The following BCORL1 variants were observed in gnomAD, a reference collection of about 807,000 sequenced individuals.
BCORL1 encodes the protein BCL-6 corepressor-like protein 1.
A neutral mutation model predicts 87.6 loss-of-function variants in BCORL1; 7 were observed. That is an observed-to-expected ratio of 0.08 (90% CI 0.05 to 0.15). The LOEUF (loss-of-function observed/expected upper bound fraction) is 0.15. Ranked by LOEUF, BCORL1 falls within the 10% of genes least tolerant of loss-of-function variation. The pLI, the probability that BCORL1 is intolerant of heterozygous loss-of-function variation, is 1.00. For missense variants in BCORL1, 1,215 were observed against 1,499.7 expected (o/e 0.81, Z 3.13); for synonymous variants, 591 against 634.4 (o/e 0.93, Z 1.03).
At position 130,014,720 on chromosome X, in the gene BCORL1, G is replaced by A. The variant is rs747031484; in HGVS notation, c.1948G>A (p.Val650Met). The A allele has an allele frequency of 6.6e-6, 8 of 1,211,023 alleles. No homozygotes were observed. The highest frequency in any genetic ancestry group is 1.8e-5 in the South Asian group (1 of 56,934). ...KTPPMPVLTP[V>M]HTSSKALLST... ...ACCCCCCATGCCTGTGTTGACCCCC[G>A]TGCACACCAGCAGCAAGGCCCTCCT... is the stretch of plus-strand genomic sequence containing the variant. The change falls in exon 4 of 14, where the codon GTG (valine) becomes ATG (methionine). Residue 650 changes from valine to methionine, a missense_variant. By Grantham distance (21) the Val-to-Met change is conservative. This residue lies in a region of BCORL1 where 861 missense variants were observed against 1,010.0 expected (regional missense o/e 0.85). Transcript: ENST00000540052.
upstream of BCORL1, chrX:129,981,041 A>G (rs1291927839): frequency 9.0e-6 from 1 of 111,594 alleles, no homozygotes; most frequent in Non-Finnish European, 1.9e-5. Flanking sequence ...AGCGAAGGCC[A>G]GCTTCCGCGG....
At chrX:130,038,485 C>CT (rs373182779) in intron 10 of BCORL1, among the ~76,000 whole-genome samples, 85 of 99,796 alleles carry the variant, frequency 8.5e-4, no homozygotes, top group Admixed American at 1.6e-3. Context: ...TTGCCCCCAC[C>CT]TTTTTTTTTT....
rs778936077 is a variant in BCORL1, at chrX:130,019,426, G to A, written c.3442-1559G>A. ...GACTTAAAATAGTTTTTCTCCAGCC[G>A]TACCTGAAGGTTAGTTTTTAAGCAG... On this transcript the variant is annotated intron_variant, in intron 4 of 13. Transcript: ENST00000540052. Among the ~76,000 whole-genome samples the A allele has an allele frequency of 4.4e-5, 5 of 112,585 alleles. No individual in the cohort carries two copies. In the South Asian group the frequency reaches 1.1e-3, roughly 24 times the overall value.
intron 1 of BCORL1, among the ~76,000 whole-genome samples, chrX:129,986,806 G>C (rs1010981153): frequency 9.0e-6 from 1 of 110,824 alleles, no homozygotes; most frequent in Non-Finnish European, 1.9e-5. Context: ...GCAACAGAGC[G>C]AGAGTCCATC....
intron 7 of BCORL1, among the ~76,000 whole-genome samples, chrX:130,026,521 G>A (rs1261867372): frequency 6.2e-5 from 7 of 112,897 alleles, no homozygotes; most frequent in Non-Finnish European, 5.6e-5. Flanking sequence ...AGCCACTTGT[G>A]TTAGGATGAA....
chrX:130,025,844 A>G (rs1227078329), intron 7 of BCORL1, among the ~76,000 whole-genome samples: 1 of 111,117 alleles, frequency 9.0e-6, no homozygotes, highest in Non-Finnish European at 1.9e-5. Flanking sequence ...TCAAACCAAC[A>G]GAAGAACTTC....
At chrX:129,992,747 G>A (rs780800288) in intron 1 of BCORL1, among the ~76,000 whole-genome samples, 105 of 111,070 alleles carry the variant, frequency 9.5e-4, no homozygotes, top group Non-Finnish European at 1.8e-3. Context: ...TTGTAGAGAC[G>A]GGGTTTCACC....
chrX:130,054,563 G>A (rs757868925), intron 13 of BCORL1, among the ~76,000 whole-genome samples: 1 of 110,739 alleles, frequency 9.0e-6, no homozygotes, highest in African/African-American at 3.3e-5. Context: ...GAGAGACAGA[G>A]AAAGAGAGAG....
chrX:130,028,048 G>T (rs1930352947), intron 7 of BCORL1, among the ~76,000 whole-genome samples: 1 of 112,460 alleles, frequency 8.9e-6, no homozygotes, highest in Admixed American at 9.4e-5. Context: ...AAAGGCAGCA[G>T]GTTTCTGCCC....
rs781227002 is a variant in BCORL1, at chrX:130,055,794, G to T, written c.5076-60G>T. The T allele has an allele frequency of 7.2e-6, 8 of 1,113,359 alleles. No individual in the cohort carries two copies. The East Asian group carries it at 1.8e-4, about 25-fold the overall frequency. 91.8% of individuals were successfully genotyped at this position (1,113,359 alleles called of 1,213,427 possible). The stretch of plus-strand genomic sequence containing the variant: ...TTGTGGGCTTTGCAGAGTGTTCTGG[G>T]TCGGTGCCCCCACCGCTTCCTCCAG... On this transcript the variant is annotated intron_variant, in intron 13 of 13. Transcript: ENST00000540052.
At position 130,057,724 on chromosome X, in the gene BCORL1, G is replaced by C. The variant is rs1932474879; in HGVS notation, c.*1588G>C. On this transcript the variant is annotated 3_prime_UTR_variant, in exon 14 of 14. Coordinates refer to ENST00000540052, the MANE Select transcript of BCORL1 (RefSeq NM_001379451.1). ...GCTCCTGAGCCATGCGGGAGCATTG[G>C]TGGTTATTTTCTTTGTATTGTGTTT... is the stretch of plus-strand genomic sequence containing the variant. The C allele has an allele frequency of 9.1e-6, 1 of 109,495 alleles. No homozygotes were observed. Among genetic ancestry groups the C allele is most frequent in the African/African-American group, 3.3e-5 (1 of 30,039 alleles). 9.0% of individuals were successfully genotyped at this position (109,495 alleles called of 1,213,427 possible). A position where few individuals can be genotyped will look rare whatever the true frequency, so the allele number is the denominator to read the frequency against.
rs772166766 is a variant in BCORL1, at chrX:130,016,118, C to T, written c.3346C>T (p.Pro1116Ser). Residue 1116 changes from proline to serine, a missense_variant, in exon 4 of 14, where the codon CCC (proline) becomes TCC (serine). Physicochemically the swap from Pro to Ser is moderately conservative, Grantham distance 74. Coordinates refer to ENST00000540052, the MANE Select transcript of BCORL1 (RefSeq NM_001379451.1). ...QPDDVTESLP[P>S]KKMKCGKEKD... is the part of the protein sequence containing the mutation. ...AGATGATGTGACGGAATCTCTGCCGCCCAAGAAGATGAAGTGCGGCAAAGA... is the reference window on the plus strand; with the variant it reads ...AGATGATGTGACGGAATCTCTGCCGTCCAAGAAGATGAAGTGCGGCAAAGA... The T allele has an allele frequency of 3.4e-5, 41 of 1,209,326 alleles. No individual in the cohort carries two copies. In the East Asian group the frequency reaches 1.2e-3, roughly 35 times the overall value.
rs776550641 is a variant in BCORL1 at position 130,016,009 on chromosome X, A to G, written c.3237A>G (p.Gln1079=). The part of the protein sequence containing the change: ...DGLPVAPQRG[Q]AEVRAKAGQA... ...TCCCAGTGGCTCCCCAGAGGGGCCA[A>G]GCTGAAGTTCGGGCTAAGGCCGGGC... Residue 1079 remains glutamine (Q), a synonymous_variant, in exon 4 of 14, where the codon CAA becomes CAG. Coordinates refer to ENST00000540052, the MANE Select transcript of BCORL1 (RefSeq NM_001379451.1). 4.1e-6 allele frequency: 5 copies of G among 1,212,056 alleles called. No individual in the cohort carries two copies. The South Asian group carries it at 8.8e-5, about 21-fold the overall frequency.
chrX:130,029,574 G>C (rs1877992009), intron 8 of BCORL1, among the ~76,000 whole-genome samples: 1 of 109,354 alleles, frequency 9.1e-6, no homozygotes, highest in Non-Finnish European at 1.9e-5. Context: ...CCTATAATAT[G>C]TATTTGTCAT....
chrX:130,008,247 C>A (rs1928653281), intron 2 of BCORL1, among the ~76,000 whole-genome samples: 1 of 108,363 alleles, frequency 9.2e-6, no homozygotes, highest in Non-Finnish European at 1.9e-5. Context: ...AAACCTGTGC[C>A]TAGTGCTTAA....
rs149417325 is a variant in BCORL1, at chrX:130,013,073, T to C, written c.301T>C (p.Tyr101His). 3.5e-5 allele frequency: 42 copies of C among 1,209,091 alleles called. No individual in the cohort carries two copies. In the African/African-American group the frequency reaches 6.6e-4, roughly 19 times the overall value. ...TGACGATCCCCAGCCAAAAATGGACTACGCTGGGAACGTGGCAGAGGCTGA... is the reference window on the plus strand; with the variant it reads ...TGACGATCCCCAGCCAAAAATGGACCACGCTGGGAACGTGGCAGAGGCTGA... ...KPDDPQPKMD[Y>H]AGNVAEAEGL... The change falls in exon 4 of 14, where the codon TAC (tyrosine) becomes CAC (histidine). Residue 101 changes from tyrosine to histidine, a missense_variant. By Grantham distance (83) the Tyr-to-His change is moderately conservative (BLOSUM62 2). Coordinates refer to ENST00000540052, the MANE Select transcript of BCORL1 (RefSeq NM_001379451.1).
At position 130,013,644 on chromosome X, in the gene BCORL1, C is replaced by A; in HGVS notation, c.872C>A (p.Pro291His). Residue 291 changes from proline (P) to histidine (H), a missense_variant, in exon 4 of 14, where the codon CCT (proline) becomes CAT (histidine). Transcript: ENST00000540052. ...GTGCCTGTGCCAGCTTCTGCTCCCC[C>A]TTCAGGCCCGGTTCCCTTGTCGGCT... The part of the protein sequence containing the change: ...VLVPVPASAP[P>H]SGPVPLSAPA... 8.3e-7 allele frequency: 1 copy of A among 1,211,585 alleles called. No individual in the cohort carries two copies. The highest frequency in any genetic ancestry group is 1.1e-6 in the Non-Finnish European group (1 of 895,535).
At position 130,021,053 on chromosome X, in the gene BCORL1, A is replaced by G; in HGVS notation, c.3510A>G (p.Gly1170=). 2 of 1,190,836 alleles carry G rather than the reference A, an allele frequency of 1.7e-6. No individual in the cohort carries two copies. The highest frequency in any genetic ancestry group is 1.1e-6 in the Non-Finnish European group (1 of 887,545). Residue 1170 remains glycine, a synonymous_variant, in exon 5 of 14, where the codon GGA becomes GGG. Coordinates refer to ENST00000540052, the MANE Select transcript of BCORL1 (RefSeq NM_001379451.1). ...GCCCCAGGGGGGCTTCAGATTCAGG[A>G]AAAGAGCACAATGGAGTCAGGGGAA... The part of the protein sequence containing the change: ...KKSPRGASDS[G]KEHNGVRGKH...
chrX:130,025,803 C>T (rs1018851705), intron 7 of BCORL1, among the ~76,000 whole-genome samples: 18 of 110,537 alleles, frequency 1.6e-4, no homozygotes, highest in African/African-American at 5.9e-4. Context: ...TACTTGCAGC[C>T]TCTAAGCTAA....
Sources: allele counts gnomAD v4.1 joint callset (sites outside exome capture counted in the v4.1 genomes callset), GRCh38; gene constraint gnomAD v4.1.1; regional missense constraint gnomAD v4.1.1; transcripts MANE v1.5; gene names NCBI Gene and HGNC (gene_info 2026-07-23, HGNC 2026-07-21).